SGCD: variants seen among roughly 807,000 people sequenced by gnomAD.
The protein encoded by SGCD is delta-sarcoglycan.
In SGCD, 18 loss-of-function variants were observed where a neutral mutation model predicts 36.6. The observed-to-expected ratio is 0.49, with a 90% CI of 0.34 to 0.73. The LOEUF (loss-of-function observed/expected upper bound fraction) is 0.73, where lower values mean the gene tolerates loss of function less well. SGCD is among the 30% of genes least tolerant of loss of function. The probability of loss-of-function intolerance (pLI) is 0.01; values close to 1 mark genes in which losing one functional copy is unlikely to be tolerated. For synonymous variants in SGCD, 133 were observed against 130.6 expected, an observed-to-expected ratio of 1.02 and a Z score of -0.12; for missense variants, 387 against 346.7, an observed-to-expected ratio of 1.12 and a Z score of -0.92.
At chr5:156,621,132 G>A (rs1762230012) in intron 6 of SGCD, among the ~76,000 whole-genome samples, 1 of 152,190 alleles carries the variant, frequency 6.6e-6, no homozygotes, top group African/African-American at 2.4e-5. Context: ...CTGCTGTGTT[G>A]ACCAAAGGGA....
the SGCD span, among the ~76,000 whole-genome samples, chr5:155,833,630 G>C: frequency 9.8e-5 from 15 of 152,324 alleles, 1 homozygote; most frequent in South Asian, 2.5e-3. Flanking sequence ...AAGTCTATCT[G>C]TTCATTTTGC....
At chr5:156,423,191 A>ATTG in intron 3 of SGCD, among the ~76,000 whole-genome samples, 1 of 118,218 alleles carries the variant, frequency 8.5e-6, no homozygotes, top group African/African-American at 3.5e-5. Flanking sequence ...ATTATATAAT[A>ATTG]TAATATTATA....
At chr5:156,387,319 C>T (rs1461381409) in intron 3 of SGCD, among the ~76,000 whole-genome samples, 1 of 152,172 alleles carries the variant, frequency 6.6e-6, no homozygotes, top group Non-Finnish European at 1.5e-5. Context: ...CAGTATTGAA[C>T]ACCGGATTCA....
At chr5:156,533,817 T>C (rs1241791695) in intron 4 of SGCD, among the ~76,000 whole-genome samples, 1 of 152,200 alleles carries the variant, frequency 6.6e-6, no homozygotes, top group Non-Finnish European at 1.5e-5. Flanking sequence ...AAATTCTTCT[T>C]ATAAATAATA....
intron 3 of SGCD, among the ~76,000 whole-genome samples, chr5:156,463,099 A>C (rs1754559670): frequency 6.6e-6 from 1 of 152,158 alleles, no homozygotes; most frequent in South Asian, 2.1e-4. Flanking sequence ...TCTGGAAAAC[A>C]TCAGAGACAG....
intron 1 of SGCD, among the ~76,000 whole-genome samples, chr5:156,037,489 G>A (rs1423632986): frequency 6.6e-6 from 1 of 152,178 alleles, no homozygotes. Flanking sequence ...AACTCTGTAA[G>A]CAGGCAATTT....
At chr5:155,964,640 C>G (rs1214364466) in intron 1 of SGCD, among the ~76,000 whole-genome samples, 1 of 152,006 alleles carries the variant, frequency 6.6e-6, no homozygotes, top group Admixed American at 6.6e-5. Context: ...AGTTTTTATT[C>G]TAGATAGAAA....
At chr5:156,337,949 C>T (rs754488260) in intron 2 of SGCD, among the ~76,000 whole-genome samples, 3 of 152,120 alleles carry the variant, frequency 2.0e-5, no homozygotes, top group South Asian at 4.1e-4. Flanking sequence ...ACTCACAGCA[C>T]CTACCCCCAT....
intron 3 of SGCD, among the ~76,000 whole-genome samples, chr5:156,433,992 G>T (rs566015507): frequency 6.6e-6 from 1 of 152,302 alleles, no homozygotes; most frequent in South Asian, 2.1e-4. Flanking sequence ...CTCATGATTG[G>T]CCTCCAATGG....
the SGCD span, among the ~76,000 whole-genome samples, chr5:155,732,758 C>T: frequency 1.3e-5 from 2 of 152,310 alleles, no homozygotes; most frequent in South Asian, 2.1e-4. Flanking sequence ...ATGCCCCAAG[C>T]CTACATCTAT....
intron 3 of SGCD, among the ~76,000 whole-genome samples, chr5:156,418,434 A>G (rs1291156502): frequency 6.6e-6 from 1 of 152,160 alleles, no homozygotes; most frequent in African/African-American, 2.4e-5. Context: ...TATTACCAGC[A>G]TTATGTACAG....
At chr5:156,327,986 C>G (rs1384119871) in intron 1 of SGCD, among the ~76,000 whole-genome samples, 1 of 152,152 alleles carries the variant, frequency 6.6e-6, no homozygotes, top group Non-Finnish European at 1.5e-5. Context: ...GCAGTTTACT[C>G]AAAATTCTTC....
chr5:156,185,135 T>G (rs751996503), intron 3 of SGCD, among the ~76,000 whole-genome samples: 6 of 152,158 alleles, frequency 3.9e-5, no homozygotes, highest in Non-Finnish European at 8.8e-5. Context: ...GTTCTAAATG[T>G]TCCTTCAGTG....
chr5:156,209,826 AC>A (rs1265195798), intron 3 of SGCD, among the ~76,000 whole-genome samples: 1 of 151,666 alleles, frequency 6.6e-6, no homozygotes, highest in African/African-American at 2.4e-5. Flanking sequence ...AGGCCCCAGA[AC>A]CCCTCTGAAG....
chr5:156,622,914 G>A (rs1198593945), intron 6 of SGCD, among the ~76,000 whole-genome samples: 2 of 152,052 alleles, frequency 1.3e-5, no homozygotes, highest in Non-Finnish European at 2.9e-5. Flanking sequence ...GAGAATGACG[G>A]GAGCAAGTCA....
intron 3 of SGCD, among the ~76,000 whole-genome samples, chr5:156,320,251 G>T (rs1445719147): frequency 6.6e-6 from 1 of 152,036 alleles, no homozygotes; most frequent in African/African-American, 2.4e-5. Flanking sequence ...GTTGTGTCTT[G>T]TACCACTGAG....
chr5:156,172,211 A>C (rs1763362148), intron 3 of SGCD, among the ~76,000 whole-genome samples: 1 of 152,176 alleles, frequency 6.6e-6, no homozygotes, highest in Non-Finnish European at 1.5e-5. Context: ...TTGAACCCGG[A>C]GGCAGAGGTT....
chr5:156,414,947 A>G (rs1772948529), intron 3 of SGCD, among the ~76,000 whole-genome samples: 1 of 152,212 alleles, frequency 6.6e-6, no homozygotes, highest in South Asian at 2.1e-4. Flanking sequence ...TAGTCCTAAT[A>G]AGTAATATTT....
chr5:155,859,048 A>G, the SGCD span, among the ~76,000 whole-genome samples: 1 of 150,914 alleles, frequency 6.6e-6, no homozygotes, highest in African/African-American at 2.4e-5. Context: ...ATTTTTTCAT[A>G]TCAGGTTTTC....
Sources: gnomAD v4.1 joint callset for allele counts (sites outside exome capture counted in the v4.1 genomes callset) on GRCh38, gnomAD v4.1.1 for gene constraint, MANE v1.5 for transcripts, NCBI Gene and HGNC (gene_info 2026-07-23, HGNC 2026-07-21) for gene names.